The following FHIP1A variants were observed in gnomAD, a reference collection of about 807,000 sequenced individuals.
The protein encoded by FHIP1A is FHF complex subunit HOOK interacting protein 1A.
FHIP1A carries 61 observed loss-of-function variants against 88.6 expected under a neutral mutation model. The observed-to-expected ratio is 0.69, with a 90% CI of 0.56 to 0.85. The LOEUF is 0.85. Ranked by LOEUF, FHIP1A falls within the 40% of genes least tolerant of loss-of-function variation. FHIP1A has a pLI of 0.00. For missense variants in FHIP1A, 1,154 were observed against 1,273.5 expected, an observed-to-expected ratio of 0.91 and a Z score of 1.43; for synonymous variants, 478 against 496.0, an observed-to-expected ratio of 0.96 and a Z score of 0.48.
chr4:151,451,242 T>C (rs1347751884), intron 1 of FHIP1A, among the ~76,000 whole-genome samples: 1 of 152,208 alleles, frequency 6.6e-6, no homozygotes, highest in Non-Finnish European at 1.5e-5. Context: ...AATAAAACTT[T>C]CATTATGTAC....
intron 2 of FHIP1A, among the ~76,000 whole-genome samples, chr4:151,463,802 G>A (rs1369938948): frequency 2.0e-5 from 3 of 152,036 alleles, no homozygotes; most frequent in Non-Finnish European, 4.4e-5. Flanking sequence ...AAAATACCCT[G>A]GTTTCTGCAA....
chr4:151,481,381 G>A (rs1161473351), intron 2 of FHIP1A, among the ~76,000 whole-genome samples: 4 of 151,840 alleles, frequency 2.6e-5, no homozygotes, highest in African/African-American at 9.7e-5. Context: ...ACATATTATG[G>A]AATGAAAAGT....
In FHIP1A at chr4:151,570,202, G is replaced by A. The variant is rs574995106; in HGVS notation, c.105+3838G>A. On this transcript the variant is annotated intron_variant, in intron 4 of 13. Transcript: ENST00000435205. ...CTCCAAAAATGCAAAGTTGCTTGGG[G>A]TTCCTAGCCACCCCCTCTCCTGGCA... Among the ~76,000 whole-genome samples the A allele has an allele frequency of 1.7e-4, 26 of 152,072 alleles. 1 individual carries two copies. The highest frequency in any genetic ancestry group is 3.3e-4 in the Admixed American group (5 of 15,260).
chr4:151,549,506 A>T (rs1732641571), intron 3 of FHIP1A, among the ~76,000 whole-genome samples: 2 of 151,648 alleles, frequency 1.3e-5, no homozygotes, highest in South Asian at 4.1e-4. Context: ...AAAAAAAAAA[A>T]AAAAATAGTT....
intron 2 of FHIP1A, among the ~76,000 whole-genome samples, chr4:151,468,202 G>A (rs1729391508): frequency 6.7e-6 from 1 of 148,192 alleles, no homozygotes; most frequent in Non-Finnish European, 1.5e-5. Context: ...GGAGAATGGC[G>A]TGAACCCAGG....
chr4:151,557,110 T>G (rs752146797), intron 3 of FHIP1A, among the ~76,000 whole-genome samples: 1 of 152,222 alleles, frequency 6.6e-6, no homozygotes, highest in Non-Finnish European at 1.5e-5. Flanking sequence ...GGTAATTACC[T>G]AATGCATAGA....
intron 3 of FHIP1A, among the ~76,000 whole-genome samples, chr4:151,505,243 G>T (rs1420264985): frequency 6.6e-6 from 1 of 152,154 alleles, no homozygotes; most frequent in African/African-American, 2.4e-5. Context: ...GAAAATGGGG[G>T]TCTCTGATTA....
At chr4:151,417,078 G>A (rs1249722864) in intron 1 of FHIP1A, among the ~76,000 whole-genome samples, 1 of 152,134 alleles carries the variant, frequency 6.6e-6, no homozygotes, top group Non-Finnish European at 1.5e-5. Context: ...GGGTGTGCAG[G>A]TTCTTGGTGC....
chr4:151,537,540 G>C (rs989870358), intron 3 of FHIP1A, among the ~76,000 whole-genome samples: 1 of 152,144 alleles, frequency 6.6e-6, no homozygotes, highest in African/African-American at 2.4e-5. Context: ...TTGCCAGTCT[G>C]TAGTTTACCT....
chr4:151,540,922 A>G (rs901353054), intron 3 of FHIP1A, among the ~76,000 whole-genome samples: 1 of 152,208 alleles, frequency 6.6e-6, no homozygotes, highest in Non-Finnish European at 1.5e-5. Flanking sequence ...AAACAACTAC[A>G]TAAAAATTTT....
At chr4:151,637,504 C>T (rs746796057) in intron 8 of FHIP1A, among the ~76,000 whole-genome samples, 8 of 152,044 alleles carry the variant, frequency 5.3e-5, no homozygotes, top group Non-Finnish European at 1.2e-4. Context: ...TAACAGTGAG[C>T]GGTAGGGGTT....
chr4:151,462,255 C>G (rs1392064604), intron 2 of FHIP1A, among the ~76,000 whole-genome samples: 1 of 152,178 alleles, frequency 6.6e-6, no homozygotes, highest in Admixed American at 6.5e-5. Flanking sequence ...CTCTAAGCCT[C>G]TTCCTGAGAT....
chr4:151,653,928 G>C (rs1737131906), intron 11 of FHIP1A, among the ~76,000 whole-genome samples: 1 of 152,124 alleles, frequency 6.6e-6, no homozygotes, highest in Non-Finnish European at 1.5e-5. Flanking sequence ...TTTGTGAGGT[G>C]GGGAGTCTAT....
intron 7 of FHIP1A, among the ~76,000 whole-genome samples, chr4:151,603,609 A>C (rs888271340): frequency 2.0e-5 from 3 of 152,112 alleles, no homozygotes; most frequent in African/African-American, 4.8e-5. Flanking sequence ...TCTTCATCTC[A>C]ATGACCTGTT....
At chr4:151,569,482 G>A (rs966192235) in intron 4 of FHIP1A, among the ~76,000 whole-genome samples, 1 of 151,996 alleles carries the variant, frequency 6.6e-6, no homozygotes, top group Non-Finnish European at 1.5e-5. Flanking sequence ...AACCCAGGAG[G>A]TGGAGGTTGC....
rs1456382016 is a variant in FHIP1A at position 151,638,677 on chromosome 4, C to T, written c.1147C>T (p.Leu383Phe). ...AGAATGTGTGTCTCTTGCTTCCCAG[C>T]TTTGTGTGGTGTCTCTGGCATTATT... ...LTSRINTPFR[L>F]CVVSLALFRT... Residue 383 changes from leucine (L) to phenylalanine (F), a missense_variant and splice_region_variant, in exon 9 of 14, where the codon CTT becomes TTT. By Grantham distance (22) the Leu-to-Phe change is conservative. Coordinates refer to ENST00000435205, the MANE Select transcript of FHIP1A (RefSeq NM_001109977.3). The T allele has an allele frequency of 1.3e-6, 2 of 1,543,292 alleles. No homozygotes were observed. The highest frequency in any genetic ancestry group is 8.8e-7 in the Non-Finnish European group (1 of 1,140,878).
chr4:151,657,786 A>G (rs1737304445), intron 13 of FHIP1A, among the ~76,000 whole-genome samples: 1 of 152,220 alleles, frequency 6.6e-6, no homozygotes, highest in Non-Finnish European at 1.5e-5. Context: ...AGTGAGCGGC[A>G]GAAATGAAAC....
At chr4:151,643,108 A>G (rs929720729) in intron 9 of FHIP1A, among the ~76,000 whole-genome samples, 2 of 152,092 alleles carry the variant, frequency 1.3e-5, no homozygotes, top group Non-Finnish European at 2.9e-5. Context: ...AAATACCTAT[A>G]CTAAATTCAT....
intron 7 of FHIP1A, among the ~76,000 whole-genome samples, chr4:151,605,842 A>G (rs1334129326): frequency 6.6e-6 from 1 of 152,204 alleles, no homozygotes; most frequent in Non-Finnish European, 1.5e-5. Flanking sequence ...GAGCAGCCAC[A>G]CTTGTGAGTT....
Sources: allele counts gnomAD v4.1 joint callset (sites outside exome capture counted in the v4.1 genomes callset), GRCh38; gene constraint gnomAD v4.1.1; transcripts MANE v1.5; gene names NCBI Gene and HGNC (gene_info 2026-07-23, HGNC 2026-07-21).